Variants in IGFBP7 observed in about 807,000 individuals in gnomAD.
IGFBP7 encodes the protein insulin-like growth factor-binding protein 7.
In IGFBP7, 31 loss-of-function variants were observed where a neutral mutation model predicts 29.4. The ratio of observed to expected loss-of-function variants is 1.05; its 90% confidence interval spans 0.79 to 1.42. The LOEUF is 1.42. IGFBP7 is among the 40% of genes most tolerant of loss of function. The pLI, the probability that IGFBP7 is intolerant of heterozygous loss-of-function variation, is 0.00. For missense variants in IGFBP7, 393 were observed against 395.5 expected (o/e 0.99, Z 0.05); for synonymous variants, 172 against 174.9 (o/e 0.98, Z 0.13).
At chr4:57,041,074 G>T (rs1578609120) in intron 1 of IGFBP7, 141 bp from the exon 2 acceptor site, 4 of 671,448 alleles carry the variant, frequency 6.0e-6, no homozygotes, top group Non-Finnish European at 1.1e-5. Context: ...AGACCACACT[G>T]GCTTCCTCCT....
chr4:57,071,564 TGGGTGGTCACTGTGTG>T (rs1306547324), intron 1 of IGFBP7, among the ~76,000 whole-genome samples: 1 of 152,232 alleles, frequency 6.6e-6, no homozygotes, highest in East Asian at 1.9e-4. Context: ...TCTTTTTCCC[TGGGTGGTCACTGTGTG>T]GGCAGTGTCC....
intron 1 of IGFBP7, among the ~76,000 whole-genome samples, chr4:57,095,210 C>T (rs763146459): frequency 6.6e-6 from 1 of 152,098 alleles, no homozygotes; most frequent in African/African-American, 2.4e-5. Flanking sequence ...GTTAATGAAT[C>T]GTAATTTATA....
intron 1 of IGFBP7, among the ~76,000 whole-genome samples, chr4:57,083,688 G>C (rs118111554): frequency 6.6e-6 from 1 of 152,208 alleles, no homozygotes; most frequent in African/African-American, 2.4e-5. Flanking sequence ...GGAATGGTGC[G>C]TGGCACATAG....
intron 1 of IGFBP7, among the ~76,000 whole-genome samples, chr4:57,067,926 G>A (rs1034978480): frequency 2.0e-5 from 3 of 152,154 alleles, no homozygotes; most frequent in Admixed American, 6.5e-5. Flanking sequence ...ATAGGGTAGC[G>A]AAAAATGTGG....
chr4:57,056,546 G>A (rs770110903), intron 1 of IGFBP7, among the ~76,000 whole-genome samples: 1 of 152,186 alleles, frequency 6.6e-6, no homozygotes. Context: ...GTGCCAAATA[G>A]CACTGCTCTG....
intron 1 of IGFBP7, among the ~76,000 whole-genome samples, chr4:57,059,923 A>T (rs1305720536): frequency 6.6e-6 from 1 of 152,240 alleles, no homozygotes; most frequent in South Asian, 2.1e-4. Context: ...AGAAAGGACT[A>T]CAATAATAAC....
At chr4:57,040,698 C>T in intron 2 of IGFBP7, 126 bp downstream of exon 2, 1 of 745,178 alleles carries the variant, frequency 1.3e-6, no homozygotes, top group South Asian at 1.5e-5. Flanking sequence ...TATGACTGCC[C>T]TAAGGCTTCA....
At chr4:57,048,675 C>T (rs866517334) in intron 1 of IGFBP7, among the ~76,000 whole-genome samples, 23 of 152,194 alleles carry the variant, frequency 1.5e-4, no homozygotes, top group Middle Eastern at 3.4e-3. Flanking sequence ...ATGTGTTATC[C>T]TATAAAAAGC....
chr4:57,100,291 G>C (rs1292630022), intron 1 of IGFBP7, among the ~76,000 whole-genome samples: 4 of 151,720 alleles, frequency 2.6e-5, no homozygotes, highest in African/African-American at 9.7e-5. Context: ...TGTTGCCCAG[G>C]CTGGTCCTGA....
intron 1 of IGFBP7, among the ~76,000 whole-genome samples, chr4:57,104,676 C>G (rs1405088866): frequency 6.6e-6 from 1 of 152,154 alleles, no homozygotes; most frequent in African/African-American, 2.4e-5. Flanking sequence ...TATACTGAAG[C>G]ATTTTCCACT....
intron 1 of IGFBP7, among the ~76,000 whole-genome samples, chr4:57,100,759 G>A (rs1246302264): frequency 1.3e-5 from 2 of 152,204 alleles, no homozygotes; most frequent in Non-Finnish European, 2.9e-5. Flanking sequence ...AAATAATTCC[G>A]AGTTTATAAA....
chr4:57,099,799 T>C (rs754871026), intron 1 of IGFBP7, among the ~76,000 whole-genome samples: 2 of 152,178 alleles, frequency 1.3e-5, no homozygotes, highest in Non-Finnish European at 2.9e-5. Flanking sequence ...GGCACAATCA[T>C]AGCTGACTGC....
At chr4:57,067,493 T>C (rs1016622042) in intron 1 of IGFBP7, among the ~76,000 whole-genome samples, 2 of 152,150 alleles carry the variant, frequency 1.3e-5, no homozygotes, top group African/African-American at 4.8e-5. Context: ...GTATCTAAAG[T>C]ATTTAAACTT....
intron 1 of IGFBP7, among the ~76,000 whole-genome samples, chr4:57,061,765 C>T (rs1578625240): frequency 6.6e-6 from 1 of 152,142 alleles, no homozygotes; most frequent in Admixed American, 6.6e-5. Flanking sequence ...TGGATGAGGG[C>T]GGACTCCTAT....
At chr4:57,094,311 G>A (rs931012702) in intron 1 of IGFBP7, among the ~76,000 whole-genome samples, 2 of 152,194 alleles carry the variant, frequency 1.3e-5, no homozygotes, top group Non-Finnish European at 2.9e-5. Flanking sequence ...CAGAGCCAGG[G>A]ACAGAGCCTA....
At chr4:57,101,979 G>C (rs139045848) in intron 1 of IGFBP7, among the ~76,000 whole-genome samples, 2 of 152,230 alleles carry the variant, frequency 1.3e-5, no homozygotes, top group East Asian at 1.9e-4. Context: ...TCAAATAAAG[G>C]TTACACTCAT....
Position 57,033,052 on chromosome 4 carries a change from G to T in IGFBP7, c.702+143C>A, listed in dbSNP as rs1723980442. The T allele has an allele frequency of 1.9e-5, 14 of 742,054 alleles. No homozygotes were observed. In the South Asian group the frequency reaches 2.0e-4, roughly 11 times the overall value. The allele number at this position is 742,054 out of a possible 1,614,324, so 46.0% of individuals were successfully genotyped here. A position where few individuals can be genotyped will look rare whatever the true frequency, so the allele number is the denominator to read the frequency against. Reference sequence around the variant, plus strand: ...CTTTAGTTTCTCTGAAAGAGGAGCAGCGACTCCATGGTAAGGCTATTCCAA... The same window carrying T: ...CTTTAGTTTCTCTGAAAGAGGAGCATCGACTCCATGGTAAGGCTATTCCAA... On this transcript the variant is annotated intron_variant, in intron 3 of 4. Transcript: ENST00000295666.
Position 57,067,328 on chromosome 4 carries a change from AT to A in IGFBP7, c.476-26396del, listed in dbSNP as rs35690762. 9.9e-3 allele frequency among the ~76,000 whole-genome samples: 1,501 copies of A among 151,774 alleles called. 23 individuals carry two copies. The highest frequency in any genetic ancestry group is 0.034 in the African/African-American group (1,415 of 41,410). On this transcript the variant is annotated intron_variant, in intron 1 of 4. Coordinates refer to ENST00000295666, the MANE Select transcript of IGFBP7 (RefSeq NM_001553.3). ...AAACAGTGCATGGAAGACACAAGGGATTTTTTTTTGTTAGTCTTGTATTTAC... is the reference window on the plus strand; with the variant it reads ...AAACAGTGCATGGAAGACACAAGGGATTTTTTTTGTTAGTCTTGTATTTAC...
At chr4:57,095,104 C>A (rs1408117403) in intron 1 of IGFBP7, among the ~76,000 whole-genome samples, 1 of 152,206 alleles carries the variant, frequency 6.6e-6, no homozygotes, top group Non-Finnish European at 1.5e-5. Flanking sequence ...TCCTTATGAG[C>A]AAGCAGGCTG....
Sources: gnomAD v4.1 joint callset for allele counts (sites outside exome capture counted in the v4.1 genomes callset) on GRCh38, gnomAD v4.1.1 for gene constraint, MANE v1.5 for transcripts, NCBI Gene and HGNC (gene_info 2026-07-23, HGNC 2026-07-21) for gene names.